BTBD2: variants seen among roughly 807,000 people sequenced by gnomAD.
BTBD2 encodes the protein BTB/POZ domain-containing protein 2.
Under a neutral mutation model 44.0 loss-of-function variants are expected in BTBD2, and 15 were observed. That is an observed-to-expected ratio of 0.34 (90% CI 0.23 to 0.53). The LOEUF is 0.53. Ranked by LOEUF, BTBD2 falls within the 20% of genes least tolerant of loss-of-function variation. The pLI is 0.95. For synonymous variants in BTBD2, 443 were observed against 335.9 expected, an observed-to-expected ratio of 1.32 and a Z score of -3.49; for missense variants, 657 against 746.4, an observed-to-expected ratio of 0.88 and a Z score of 1.39.
rs376193193 is a variant in BTBD2, at chr19:1,993,172, G to C, written c.532C>G (p.Leu178Val). Residue 178 changes from leucine to valine, a missense_variant, in exon 3 of 9, where the codon CTC becomes GTC. Leu to Val is a conservative substitution (Grantham distance 32). Transcript: ENST00000255608. ...PAAFLALLKF[L>V]YSDEVQIGPE... is the part of the protein sequence containing the mutation. ...CCAATCTGCACCTCGTCCGAGTAGA[G>C]AAACCTGCAGAAGCAACGCGGGTGG... 4.4e-6 allele frequency: 7 copies of C among 1,597,124 alleles called. No homozygotes were observed. In the African/African-American group the frequency reaches 9.4e-5, roughly 21 times the overall value.
rs1393127925 is a variant in BTBD2, at chr19:1,986,579, TTGGCGCCCG to T, written c.1478_1486del (p.Thr493_Ala495del). On this transcript the variant is annotated inframe_deletion, in exon 9 of 9. Transcript: ENST00000255608. ...CGCGTAGCAAAAGGTGAAGCAGGTC[TTGGCGCCCG>T]TGGTGGGCGACTCGTGTGTCACCTT... is the stretch of plus-strand genomic sequence containing the variant. The T allele has an allele frequency of 6.2e-7, 1 of 1,614,042 alleles. No homozygotes were observed.
At chr19:2,009,794 A>G (rs35841198) in intron 1 of BTBD2, among the ~76,000 whole-genome samples, 71,491 of 151,890 alleles carry the variant, frequency 0.47, 17,980 homozygotes, top group East Asian at 0.7. Flanking sequence ...AGGCTGCAGC[A>G]TGCGGAGATC....
intron 1 of BTBD2, among the ~76,000 whole-genome samples, chr19:2,004,342 T>G (rs372945295): frequency 6.8e-6 from 1 of 147,368 alleles, no homozygotes; most frequent in African/African-American, 2.5e-5. Flanking sequence ...TAGGCTGGAG[T>G]GCAATGGCAT....
chr19:1,992,872 C>G lies in BTBD2; in HGVS notation c.684+148G>C, dbSNP rs535147320. On this transcript the variant is annotated intron_variant, in intron 3 of 8. Coordinates refer to ENST00000255608, the MANE Select transcript of BTBD2 (RefSeq NM_017797.4). The stretch of plus-strand genomic sequence containing the variant: ...CAGGCGTGAGCAACCACGCCCGGCC[C>G]AAAACACATTTTACTACCAGGCAGG... 4.4e-4 allele frequency: 363 copies of G among 833,154 alleles called. No individual in the cohort carries two copies. The African/African-American group carries it at 6.3e-3, about 15-fold the overall frequency. 51.6% of individuals were successfully genotyped at this position (833,154 alleles called of 1,614,324 possible). A position where few individuals can be genotyped will look rare whatever the true frequency, so the allele number is the denominator to read the frequency against.
intron 1 of BTBD2, among the ~76,000 whole-genome samples, chr19:2,008,445 C>T (rs1354266331): frequency 6.6e-6 from 1 of 151,784 alleles, no homozygotes; most frequent in Admixed American, 6.6e-5. Context: ...TGCAAGCCAC[C>T]ATGCCTGGGT....
Position 1,987,073 on chromosome 19 carries a change from G to A in BTBD2, c.1269+93C>T, listed in dbSNP as rs1056651196. 3.5e-5 allele frequency: 56 copies of A among 1,592,772 alleles called. 1 individual carries two copies. In the African/African-American group the frequency reaches 7.1e-4, roughly 20 times the overall value. ...CCTGCCCAGGGTGGGGGCAGCACAG[G>A]GACCAGGGCCGGGGGTTCAGCCAGG... On this transcript the variant is annotated intron_variant, in intron 7 of 8. Transcript: ENST00000255608.
At chr19:2,009,493 C>G (rs567824555) in intron 1 of BTBD2, among the ~76,000 whole-genome samples, 1 of 151,968 alleles carries the variant, frequency 6.6e-6, no homozygotes, top group East Asian at 2.0e-4. Context: ...CCACCACACC[C>G]ACCCAGATTG....
rs371735283 is a variant in BTBD2 at position 1,990,700 on chromosome 19, G to A, written c.790+17C>T. ...GGCCCCGCTGGGATTCCCACACCTG[G>A]GCTCCTGGGCCCTTACCCAGGTCAA... is the stretch of plus-strand genomic sequence containing the variant. On this transcript the variant is annotated intron_variant, in intron 4 of 8. Coordinates refer to ENST00000255608, the MANE Select transcript of BTBD2 (RefSeq NM_017797.4). The A allele has an allele frequency of 8.2e-6, 13 of 1,580,752 alleles. No homozygotes were observed. The Admixed American group carries it at 1.1e-4, about 13-fold the overall frequency.
chr19:1,996,269 C>T (rs950142356), intron 2 of BTBD2, among the ~76,000 whole-genome samples: 4 of 151,990 alleles, frequency 2.6e-5, no homozygotes, highest in Admixed American at 6.6e-5. Flanking sequence ...TTTTCAAGAT[C>T]GTTGTGGCTA....
rs2016070489 is a variant in BTBD2, at chr19:1,985,818, C to CCAT, written c.*667_*669dup. 1 of 152,422 alleles carries CCAT rather than the reference C, an allele frequency of 6.6e-6. No individual in the cohort carries two copies. The highest frequency in any genetic ancestry group is 1.5e-5 in the Non-Finnish European group (1 of 68,224). 9.4% of individuals were successfully genotyped at this position (152,422 alleles called of 1,614,324 possible). On this transcript the variant is annotated 3_prime_UTR_variant, in exon 9 of 9. Transcript: ENST00000255608. ...GGACAGCGGGGGCCTTTATCTGGGC[C>CCAT]CATCAGGTGGATGAGAACGGACACT...
rs199549335 is a variant in BTBD2, at chr19:1,995,276, A to ATTTTTTTTT, written c.527+2067_527+2068insAAAAAAAAA. On this transcript the variant is annotated intron_variant, in intron 2 of 8. Coordinates refer to ENST00000255608, the MANE Select transcript of BTBD2 (RefSeq NM_017797.4). ...GCCACCGCGCCTAGCCATACTTTGG[A>ATTTTTTTTT]TTCTTTTTTTTTTTTTTTTTTTTGA... 2.0e-5 allele frequency among the ~76,000 whole-genome samples: 2 copies of ATTTTTTTTT among 99,030 alleles called. 1 individual carries two copies. Among genetic ancestry groups the ATTTTTTTTT allele is most frequent in the African/African-American group, 9.3e-5 (2 of 21,580 alleles). 65.0% of individuals were successfully genotyped at this position (99,030 alleles called of 152,430 possible).
intron 2 of BTBD2, among the ~76,000 whole-genome samples, chr19:1,995,363 G>A (rs1287920969): frequency 7.1e-6 from 1 of 140,622 alleles, no homozygotes; most frequent in Non-Finnish European, 1.5e-5. Context: ...CTCACTGCAA[G>A]CTCTGCCACC....
chr19:1,998,512 A>C (rs944944938), intron 1 of BTBD2, among the ~76,000 whole-genome samples: 2 of 152,192 alleles, frequency 1.3e-5, no homozygotes, highest in Non-Finnish European at 2.9e-5. Context: ...CCCCGTGTGA[A>C]GCTCAGGCTG....
At chr19:2,010,432 C>T (rs1381224340) in intron 1 of BTBD2, among the ~76,000 whole-genome samples, 2 of 152,140 alleles carry the variant, frequency 1.3e-5, no homozygotes, top group African/African-American at 2.4e-5. Context: ...CCGACCCCTG[C>T]GCGACGGTCC....
chr19:2,008,759 T>C (rs898608983), intron 1 of BTBD2, among the ~76,000 whole-genome samples: 5 of 151,538 alleles, frequency 3.3e-5, no homozygotes, highest in African/African-American at 1.2e-4. Flanking sequence ...GTCCAAGTAA[T>C]GAGGTCTCGC....
At chr19:1,993,225 CCCAGGGGAGAGCG>C in intron 2 of BTBD2, 49 bp from the exon 3 acceptor site, 1 of 1,561,278 alleles carries the variant, frequency 6.4e-7, no homozygotes. Context: ...CATGCCCGCC[CCCAGGGGAGAGCG>C]TCAGGGGACC....
intron 2 of BTBD2, among the ~76,000 whole-genome samples, chr19:1,996,478 CT>C (rs150753596): frequency 1.4e-5 from 2 of 139,058 alleles, no homozygotes; most frequent in Admixed American, 7.4e-5. Context: ...CTGATGTTTC[CT>C]TTTTTTTGTT....
chr19:1,997,210 C>T (rs1389042926), intron 2 of BTBD2, 134 bp downstream of exon 2: 2 of 1,347,570 alleles, frequency 1.5e-6, no homozygotes, highest in Non-Finnish European at 2.0e-6. Context: ...CTCTGGAACC[C>T]CTCATTGCAC....
intron 1 of BTBD2, among the ~76,000 whole-genome samples, chr19:1,999,008 C>T (rs953307393): frequency 1.1e-4 from 16 of 152,140 alleles, no homozygotes; most frequent in East Asian, 1.9e-4. Flanking sequence ...TGGTTCCGCA[C>T]GGATGGGACC....
Sources: gnomAD v4.1 joint callset for allele counts (sites outside exome capture counted in the v4.1 genomes callset) on GRCh38, gnomAD v4.1.1 for gene constraint, MANE v1.5 for transcripts, NCBI Gene and HGNC (gene_info 2026-07-23, HGNC 2026-07-21) for gene names.